Variants in MAD1L1 observed in about 807,000 individuals in gnomAD.
MAD1L1 encodes mitotic arrest deficient 1 like 1.
MAD1L1 carries 95 observed loss-of-function variants against 96.9 expected under a neutral mutation model. The ratio of observed to expected loss-of-function variants is 0.98; its 90% CI spans 0.83 to 1.16. The LOEUF is 1.16. Ranked by LOEUF, MAD1L1 falls within the 50% of genes most tolerant of loss-of-function variation. MAD1L1 has a pLI of 0.00. For missense variants in MAD1L1, 1,007 were observed against 954.4 expected, an observed-to-expected ratio of 1.06 and a Z score of -0.73; for synonymous variants, 473 against 396.6, an observed-to-expected ratio of 1.19 and a Z score of -2.29.
intron 6 of MAD1L1, among the ~76,000 whole-genome samples, chr7:2,218,920 G>A (rs1219468109): frequency 3.2e-4 from 48 of 151,850 alleles, no homozygotes; most frequent in Admixed American, 3.2e-3. Context: ...AATTAGCCAG[G>A]TGTACTGCAC....
chr7:1,930,636 C>T, intron 17 of MAD1L1, among the ~76,000 whole-genome samples: 1 of 150,416 alleles, frequency 6.6e-6, no homozygotes, highest in Non-Finnish European at 1.5e-5. Context: ...CCGTCACATC[C>T]CCTTCACCTT....
chr7:1,826,282 G>A (rs1782389001), intron 18 of MAD1L1, among the ~76,000 whole-genome samples: 1 of 151,828 alleles, frequency 6.6e-6, no homozygotes, highest in Non-Finnish European at 1.5e-5. Context: ...TGCCTGGCCC[G>A]TCCGCGCTCT....
intron 18 of MAD1L1, among the ~76,000 whole-genome samples, chr7:1,883,547 G>A (rs1282366683): frequency 1.3e-5 from 2 of 152,186 alleles, no homozygotes; most frequent in Admixed American, 6.5e-5. Context: ...GGAGACCCTC[G>A]CTGACTTCAG....
At chr7:2,134,098 C>A (rs1788643729) in intron 11 of MAD1L1, among the ~76,000 whole-genome samples, 1 of 152,194 alleles carries the variant, frequency 6.6e-6, no homozygotes, top group African/African-American at 2.4e-5. Context: ...ACTGCACAGA[C>A]CCTCTGGGGA....
chr7:1,992,912 G>A (rs1196467606), intron 14 of MAD1L1, among the ~76,000 whole-genome samples: 1 of 152,132 alleles, frequency 6.6e-6, no homozygotes. Context: ...ACACGTAGCT[G>A]AGAAAAAGCT....
intron 17 of MAD1L1, among the ~76,000 whole-genome samples, chr7:1,924,063 C>T (rs538645437): frequency 2.6e-5 from 4 of 152,156 alleles, no homozygotes; most frequent in African/African-American, 4.8e-5. Context: ...TGAAAAGAAC[C>T]GGGAAAACAG....
intron 18 of MAD1L1, among the ~76,000 whole-genome samples, chr7:1,889,514 G>A (rs569102651): frequency 1.2e-4 from 18 of 152,314 alleles, no homozygotes; most frequent in South Asian, 6.2e-4. Context: ...GAGGCTTGTC[G>A]GGGCCAGGCC....
At position 2,146,181 on chromosome 7, in the gene MAD1L1, G is replaced by A. The variant is rs1055328658; in HGVS notation, c.1073+2971C>T. Among the ~76,000 whole-genome samples, 1 of 152,216 alleles carries A rather than the reference G, an allele frequency of 6.6e-6. No homozygotes were observed. The highest frequency in any genetic ancestry group is 1.5e-5 in the Non-Finnish European group (1 of 68,040). ...TTCAGAAGCTCGGCCTGAGGCACAA[G>A]CATTCCGAGATGCTGCCACGTGAGC... On this transcript the variant is annotated intron_variant, in intron 11 of 18. Transcript: ENST00000265854. This position sits in a 1 kb window ranked among gnomAD's most constrained non-coding sequence, Gnocchi z 6.2.
intron 18 of MAD1L1, among the ~76,000 whole-genome samples, chr7:1,865,664 C>T (rs554253883): frequency 6.6e-6 from 1 of 152,368 alleles, no homozygotes; most frequent in East Asian, 1.9e-4. Context: ...GCTGTTCACA[C>T]AAGATCCCTT....
chr7:2,116,275 G>T (rs1008242537), intron 11 of MAD1L1, among the ~76,000 whole-genome samples: 17 of 152,220 alleles, frequency 1.1e-4, no homozygotes, highest in African/African-American at 3.9e-4. Flanking sequence ...GGCTGTGTGT[G>T]TGCCAAGTGC....
Position 1,968,611 on chromosome 7 carries a change from G to A in MAD1L1, c.1506-10892C>T, listed in dbSNP as rs72503898. The stretch of plus-strand genomic sequence containing the variant: ...ACGCCTCAGTCCGGCAGTCAGGTCC[G>A]CTGTCAACGCCTCAGTCCAGCGGTC... On this transcript the variant is annotated intron_variant, in intron 15 of 18. Transcript: ENST00000265854. The surrounding 1 kb of genome is among the most constrained non-coding windows in gnomAD (Gnocchi z 5.6). Among the ~76,000 whole-genome samples the A allele has an allele frequency of 0.034, 5,135 of 149,946 alleles. 191 individuals are homozygous for A. The highest frequency in any genetic ancestry group is 0.088 in the East Asian group (442 of 5,044).
chr7:1,852,907 T>G (rs1393883568), intron 18 of MAD1L1, among the ~76,000 whole-genome samples: 1 of 152,116 alleles, frequency 6.6e-6, no homozygotes, highest in Non-Finnish European at 1.5e-5. Flanking sequence ...CCGCTGTCCC[T>G]GGAGCCCATG....
At chr7:1,909,717 A>C (rs540400553) in intron 17 of MAD1L1, among the ~76,000 whole-genome samples, 57 of 152,314 alleles carry the variant, frequency 3.7e-4, no homozygotes, top group Non-Finnish European at 6.0e-4. Context: ...GGCTTTGGCA[A>C]CAGGAGGATG....
At chr7:1,980,350 C>G in intron 15 of MAD1L1, 103 bp downstream of exon 15, 1 of 951,382 alleles carries the variant, frequency 1.1e-6, no homozygotes, top group South Asian at 1.6e-5. Context: ...CAGGACACAC[C>G]TGGGCGTATC....
At chr7:1,843,415 A>G (rs1316332412) in intron 18 of MAD1L1, among the ~76,000 whole-genome samples, 1 of 152,146 alleles carries the variant, frequency 6.6e-6, no homozygotes, top group Non-Finnish European at 1.5e-5. Context: ...GAAGGGGCCC[A>G]GGTGCGGTGT....
At chr7:2,191,694 A>G (rs1432061090) in intron 10 of MAD1L1, among the ~76,000 whole-genome samples, 4 of 152,068 alleles carry the variant, frequency 2.6e-5, no homozygotes. Context: ...TTGTGCCACT[A>G]CACTCCAGCC....
intron 17 of MAD1L1, among the ~76,000 whole-genome samples, chr7:1,907,493 C>A (rs1787735649): frequency 6.6e-6 from 1 of 152,258 alleles, no homozygotes; most frequent in South Asian, 2.1e-4. Flanking sequence ...AACAAGGCAG[C>A]CCCTGAGGCC....
At chr7:1,942,266 G>A (rs113538904) in intron 16 of MAD1L1, among the ~76,000 whole-genome samples, 17 of 152,172 alleles carry the variant, frequency 1.1e-4, no homozygotes, top group African/African-American at 3.9e-4. Flanking sequence ...GGACATTCCC[G>A]GCCCCTCCAG....
At chr7:1,870,985 C>T (rs1309079167) in intron 18 of MAD1L1, among the ~76,000 whole-genome samples, 2 of 141,274 alleles carry the variant, frequency 1.4e-5, no homozygotes, top group Non-Finnish European at 3.1e-5. Context: ...CCAACATACG[C>T]CTGCCATGCC....
Sources: gnomAD v4.1 joint callset for allele counts (sites outside exome capture counted in the v4.1 genomes callset) on GRCh38, gnomAD v4.1.1 for gene constraint, Gnocchi (gnomAD v3.1) non-coding constraint, MANE v1.5 for transcripts, NCBI Gene and HGNC (gene_info 2026-07-23, HGNC 2026-07-21) for gene names.